The following DYNC2H1 variants were observed in gnomAD, a reference collection of about 807,000 sequenced individuals.
The protein encoded by DYNC2H1 is dynein cytoplasmic 2 heavy chain 1.
A neutral mutation model predicts 570.0 loss-of-function variants in DYNC2H1; 410 were observed. The ratio of observed to expected loss-of-function variants is 0.72; its 90% confidence interval spans 0.66 to 0.78. DYNC2H1 has a LOEUF of 0.78. DYNC2H1 is among the 30% of genes least tolerant of loss of function. The pLI is 0.00. For synonymous variants in DYNC2H1, 1,688 were observed against 1,677.6 expected, an observed-to-expected ratio of 1.01 and a Z score of -0.15; for missense variants, 4,865 against 5,046.4, an observed-to-expected ratio of 0.96 and a Z score of 1.09.
intron 83 of DYNC2H1, among the ~76,000 whole-genome samples, chr11:103,367,960 C>T (rs1940986728): frequency 6.6e-6 from 1 of 151,924 alleles, no homozygotes; most frequent in African/African-American, 2.4e-5. Context: ...CTTTTTTTTC[C>T]TATAGCTGAA....
Position 103,192,194 on chromosome 11 carries a change from T to C in DYNC2H1, c.7638T>C (p.His2546=). The C allele has an allele frequency of 6.3e-7, 1 of 1,588,752 alleles. No individual in the cohort carries two copies. The highest frequency in any genetic ancestry group is 8.6e-7 in the Non-Finnish European group (1 of 1,164,630). ...RDKIVGAKEL[H]LFDIILTSVF... is the part of the protein sequence containing the mutation. ...AAATTGTTGGTGCAAAGGAACTTCA[T>C]TTATTTGACATCATTTTAACATCAG... Residue 2546 remains histidine, a synonymous_variant, in exon 47 of 89, where the codon CAT becomes CAC. Transcript: ENST00000375735.
intron 26 of DYNC2H1, among the ~76,000 whole-genome samples, chr11:103,158,398 G>A (rs1175289360): frequency 1.3e-5 from 2 of 152,172 alleles, no homozygotes; most frequent in East Asian, 3.9e-4. Context: ...GCAGTGAGCA[G>A]AGATTGCGCC....
At chr11:103,266,443 T>C (rs1313388142) in intron 70 of DYNC2H1, among the ~76,000 whole-genome samples, 1 of 151,894 alleles carries the variant, frequency 6.6e-6, no homozygotes, top group East Asian at 2.0e-4. Context: ...GGGGAGCATC[T>C]TCTCTTCTCT....
At chr11:103,197,623 T>A (rs1025778886) in intron 47 of DYNC2H1, among the ~76,000 whole-genome samples, 3 of 152,068 alleles carry the variant, frequency 2.0e-5, no homozygotes, top group African/African-American at 7.2e-5. Flanking sequence ...AATTTTTAAA[T>A]TTTTTATAGA....
chr11:103,274,375 A>G (rs1157988959), intron 70 of DYNC2H1, among the ~76,000 whole-genome samples: 1 of 152,106 alleles, frequency 6.6e-6, no homozygotes, highest in African/African-American at 2.4e-5. Context: ...ACAAACATCA[A>G]AACAAATGAA....
chr11:103,141,234 T>G (rs948925520), intron 17 of DYNC2H1, among the ~76,000 whole-genome samples: 1 of 152,252 alleles, frequency 6.6e-6, no homozygotes, highest in Non-Finnish European at 1.5e-5. Flanking sequence ...TCCAGCTTTG[T>G]TCCGTTACTG....
chr11:103,323,136 C>T (rs1162215553), intron 81 of DYNC2H1, among the ~76,000 whole-genome samples: 1 of 152,204 alleles, frequency 6.6e-6, no homozygotes, highest in East Asian at 1.9e-4. Flanking sequence ...ACGTGCAGTA[C>T]TTGCCTTAAA....
chr11:103,451,919 G>GTA (rs1016124835), intron 85 of DYNC2H1, among the ~76,000 whole-genome samples: 26 of 151,836 alleles, frequency 1.7e-4, no homozygotes, highest in African/African-American at 4.8e-4. Flanking sequence ...AGTTTTAATG[G>GTA]TATATATATA....
rs779647272 is a variant in DYNC2H1, at chr11:103,323,962, G to A, written c.12011G>A (p.Arg4004His). The change falls in exon 82 of 89, where the codon CGC (arginine) becomes CAC (histidine). Residue 4004 changes from arginine to histidine, a missense_variant. Physicochemically the swap from Arg to His is conservative, Grantham distance 29. This residue lies in a region of DYNC2H1 where 2,401 missense variants were observed against 2,454.6 expected (regional missense o/e 0.98). Transcript: ENST00000375735. Reference protein sequence around the residue: ...SFFGLPANIARSSQRMISSQV... With the variant: ...SFFGLPANIAHSSQRMISSQV... ...TTTGGTCTGCCTGCCAATATCGCTC[G>A]CTCATCTCAGCGCATGATCAGTTCT... The A allele has an allele frequency of 4.3e-6, 7 of 1,611,838 alleles. No individual in the cohort carries two copies. The Admixed American group carries it at 5.0e-5, about 12-fold the overall frequency.
In DYNC2H1 at chr11:103,125,237, T is replaced by C; in HGVS notation, c.1799T>C (p.Ile600Thr). The stretch of plus-strand genomic sequence containing the variant: ...CTTGGCTTTGTTATTCCTGCCAAAA[T>C]ACAGCAAGTTGCAAACATTGCACAG... The part of the protein sequence containing the change: ...SALGFVIPAK[I>T]QQVANIAQKF... The change falls in exon 12 of 89, where the codon ATA becomes ACA. Residue 600 changes from isoleucine (I) to threonine (T), a missense_variant. This residue lies in a region of DYNC2H1 where 1,936 missense variants were observed against 1,962.1 expected (regional missense o/e 0.99). Coordinates refer to ENST00000375735, the MANE Select transcript of DYNC2H1 (RefSeq NM_001377.3). 6.2e-7 allele frequency: 1 copy of C among 1,613,184 alleles called. No homozygotes were observed. The highest frequency in any genetic ancestry group is 1.1e-5 in the South Asian group (1 of 90,922).
At chr11:103,339,306 C>G (rs568003759) in intron 82 of DYNC2H1, among the ~76,000 whole-genome samples, 1 of 152,062 alleles carries the variant, frequency 6.6e-6, no homozygotes, top group Non-Finnish European at 1.5e-5. Context: ...CAGCTTCCAC[C>G]GGGGGTCACC....
intron 85 of DYNC2H1, among the ~76,000 whole-genome samples, chr11:103,452,385 A>G (rs11225808): frequency 0.019 from 2,807 of 151,716 alleles, 38 homozygotes; most frequent in Non-Finnish European, 0.028. Context: ...TGGGATTTTC[A>G]TAAAGTTGTT....
intron 82 of DYNC2H1, among the ~76,000 whole-genome samples, chr11:103,352,876 T>G (rs896304705): frequency 6.6e-6 from 1 of 152,184 alleles, no homozygotes; most frequent in African/African-American, 2.4e-5. Flanking sequence ...CTATTCACAA[T>G]AGCAGAGACA....
rs916970250 is a variant in DYNC2H1 at position 103,186,922 on chromosome 11, A to G, written c.6894-418A>G. ...GAGCATAGTCTCCTGAAATATAGGA[A>G]CCATGGTTTATTATTTTCATATTTC... On this transcript the variant is annotated intron_variant, in intron 42 of 88. Transcript: ENST00000375735. The surrounding 1 kb of genome is among the most constrained non-coding windows in gnomAD (Gnocchi z 4.5). 6.6e-6 allele frequency among the ~76,000 whole-genome samples: 1 copy of G among 151,992 alleles called. No individual in the cohort carries two copies. The highest frequency in any genetic ancestry group is 1.5e-5 in the Non-Finnish European group (1 of 67,968).
chr11:103,269,563 A>C (rs918370459), intron 70 of DYNC2H1, among the ~76,000 whole-genome samples: 1 of 152,198 alleles, frequency 6.6e-6, no homozygotes, highest in Non-Finnish European at 1.5e-5. Flanking sequence ...GTTGACCTGG[A>C]ACAGAAACAT....
intron 54 of DYNC2H1, among the ~76,000 whole-genome samples, chr11:103,214,529 C>G (rs945799150): frequency 4.0e-5 from 6 of 150,264 alleles, no homozygotes; most frequent in African/African-American, 1.5e-4. Context: ...ACTGCAGCCT[C>G]CAACTCCTGG....
intron 70 of DYNC2H1, among the ~76,000 whole-genome samples, chr11:103,263,953 G>A (rs1018321741): frequency 2.6e-5 from 4 of 151,644 alleles, no homozygotes; most frequent in Admixed American, 6.6e-5. Context: ...AAAATAGACC[G>A]CTAGCAAGAC....
At chr11:103,313,020 A>G (rs2135420101) in intron 79 of DYNC2H1, among the ~76,000 whole-genome samples, 1 of 152,308 alleles carries the variant, frequency 6.6e-6, no homozygotes. Flanking sequence ...TCTCACCTGT[A>G]CTACTTTCTG....
intron 47 of DYNC2H1, among the ~76,000 whole-genome samples, chr11:103,196,553 G>A (rs1591392414): frequency 6.6e-6 from 1 of 152,100 alleles, no homozygotes; most frequent in East Asian, 1.9e-4. Flanking sequence ...AGTAGTAGGT[G>A]AGTTTTTGGT....
Sources: allele counts gnomAD v4.1 joint callset (sites outside exome capture counted in the v4.1 genomes callset), GRCh38; gene constraint gnomAD v4.1.1; regional missense constraint gnomAD v4.1.1; non-coding constraint Gnocchi (gnomAD v3.1); transcripts MANE v1.5; gene names NCBI Gene and HGNC (gene_info 2026-07-23, HGNC 2026-07-21).